The following TNS3 variants were observed in gnomAD, a reference collection of about 807,000 sequenced individuals.
TNS3 encodes tensin-3.
TNS3 carries 45 observed loss-of-function variants against 140.9 expected under a neutral mutation model. That is an observed-to-expected ratio of 0.32 (90% CI 0.25 to 0.41). The LOEUF (loss-of-function observed/expected upper bound fraction) is 0.41, where lower values mean the gene tolerates loss of function less well. TNS3 is among the 10% of genes least tolerant of loss of function. The pLI, the probability that TNS3 is intolerant of heterozygous loss-of-function variation, is 1.00. For missense variants in TNS3, 1,716 were observed against 1,906.7 expected, an observed-to-expected ratio of 0.90 and a Z score of 1.86; for synonymous variants, 815 against 788.4, an observed-to-expected ratio of 1.03 and a Z score of -0.56.
chr7:47,540,456 C>T (rs1028897047), intron 1 of TNS3, among the ~76,000 whole-genome samples: 2 of 152,200 alleles, frequency 1.3e-5, no homozygotes, highest in African/African-American at 2.4e-5. Flanking sequence ...TGGGGGAGAG[C>T]TGAGGGGCCA....
chr7:47,296,790 G>C (rs982295847), intron 24 of TNS3, among the ~76,000 whole-genome samples: 1 of 152,122 alleles, frequency 6.6e-6, no homozygotes, highest in East Asian at 1.9e-4. Flanking sequence ...GGTGAGGGGG[G>C]TAGAGCCGAA....
chr7:47,358,589 G>T (rs1270006806), intron 17 of TNS3, among the ~76,000 whole-genome samples: 2 of 152,212 alleles, frequency 1.3e-5, no homozygotes, highest in Non-Finnish European at 2.9e-5. Flanking sequence ...CGACGCAGCC[G>T]GTGACTTCTG....
intron 4 of TNS3, among the ~76,000 whole-genome samples, chr7:47,473,907 C>G (rs1213278220): frequency 6.6e-6 from 1 of 152,148 alleles, no homozygotes; most frequent in Non-Finnish European, 1.5e-5. Context: ...TCCTCATCAT[C>G]CATTTGGTCA....
chr7:47,534,919 G>A (rs1040057832), intron 1 of TNS3, among the ~76,000 whole-genome samples: 1 of 152,152 alleles, frequency 6.6e-6, no homozygotes, highest in South Asian at 2.1e-4. Flanking sequence ...GCCAATGGAT[G>A]AGGCATATGA....
chr7:47,435,414 G>A lies in TNS3; in HGVS notation c.202-10C>T. On this transcript the variant is annotated splice_polypyrimidine_tract_variant and intron_variant, in intron 7 of 30. Transcript: ENST00000311160. ...AGCCCACATCCATGATCTGCAACAA[G>A]AAAGGGGAGCTTCCTCGGTTTCCAT... is the stretch of plus-strand genomic sequence containing the variant. 1.2e-6 allele frequency: 2 copies of A among 1,612,964 alleles called. No homozygotes were observed. The highest frequency in any genetic ancestry group is 1.7e-6 in the Non-Finnish European group (2 of 1,179,930).
At chr7:47,571,804 TTAAG>T (rs1259516052) in intron 1 of TNS3, among the ~76,000 whole-genome samples, 2 of 152,336 alleles carry the variant, frequency 1.3e-5, no homozygotes, top group Middle Eastern at 6.8e-3. Context: ...AAGGTCGGCA[TTAAG>T]CGGCCCAGTG....
chr7:47,475,862 A>G (rs1030234814), intron 4 of TNS3, among the ~76,000 whole-genome samples: 1 of 152,136 alleles, frequency 6.6e-6, no homozygotes, highest in Non-Finnish European at 1.5e-5. Flanking sequence ...CCTTGTTCTG[A>G]CCGTGGTGCC....
intron 3 of TNS3, chr7:47,481,685 G>A: frequency 1.0e-6 from 1 of 985,426 alleles, no homozygotes; most frequent in South Asian, 4.7e-5. Flanking sequence ...GAGACGGGGA[G>A]AGGAGACTTT....
Position 47,368,871 on chromosome 7 carries a change from T to C in TNS3, c.1775A>G (p.Gln592Arg), listed in dbSNP as rs368164457. 4 of 1,613,636 alleles carry C rather than the reference T, an allele frequency of 2.5e-6. No homozygotes were observed. The African/African-American group carries it at 5.3e-5, about 22-fold the overall frequency. The change falls in exon 17 of 31, where the codon CAG becomes CGG. Residue 592 changes from glutamine (Q) to arginine (R), a missense_variant. Gln to Arg is a conservative substitution (Grantham distance 43). Transcript: ENST00000311160. ...CTGGTGAGCTACAACCATCTGCTGCTGGCGCACCCAGGTCTGTGTGGAGTA... is the reference window on the plus strand; with the variant it reads ...CTGGTGAGCTACAACCATCTGCTGCCGGCGCACCCAGGTCTGTGTGGAGTA... ...SSYSTQTWVR[Q>R]QQMVVAHQYS...
chr7:47,287,331 T>C (rs1041852054), intron 27 of TNS3, among the ~76,000 whole-genome samples: 1 of 152,192 alleles, frequency 6.6e-6, no homozygotes. Flanking sequence ...AAAAAAGGGA[T>C]TAAACTGGAG....
chr7:47,550,533 C>A (rs1800033797), intron 1 of TNS3, among the ~76,000 whole-genome samples: 1 of 152,172 alleles, frequency 6.6e-6, no homozygotes, highest in Admixed American at 6.5e-5. Context: ...GAGATAGAAG[C>A]ACAAAGACAC....
At chr7:47,345,089 C>G in intron 18 of TNS3, 51 bp from the exon 19 acceptor site, 1 of 1,448,046 alleles carries the variant, frequency 6.9e-7, no homozygotes, top group Non-Finnish European at 9.6e-7. Flanking sequence ...CAAGTGAAGG[C>G]CCCTCCAAAC....
At chr7:47,456,785 A>G (rs1796264610) in intron 4 of TNS3, among the ~76,000 whole-genome samples, 1 of 152,018 alleles carries the variant, frequency 6.6e-6, no homozygotes, top group African/African-American at 2.4e-5. Flanking sequence ...TGCTCACCTC[A>G]GCCAACCCCC....
At chr7:47,564,463 C>A (rs1800382403) in intron 1 of TNS3, among the ~76,000 whole-genome samples, 1 of 151,404 alleles carries the variant, frequency 6.6e-6, no homozygotes, top group Admixed American at 6.6e-5. Flanking sequence ...TGGTGAAATC[C>A]CATCTCTACT....
intron 1 of TNS3, among the ~76,000 whole-genome samples, chr7:47,557,910 G>A (rs1471967619): frequency 6.6e-6 from 1 of 152,228 alleles, no homozygotes; most frequent in African/African-American, 2.4e-5. Flanking sequence ...TCTCCAAACT[G>A]GAAGGATGGC....
chr7:47,372,256 A>C (rs1327563125), intron 16 of TNS3, among the ~76,000 whole-genome samples: 1 of 152,226 alleles, frequency 6.6e-6, no homozygotes, highest in African/African-American at 2.4e-5. Flanking sequence ...CTCAGCCCAG[A>C]GCATGAGCCT....
chr7:47,355,817 G>C (rs1352645523), intron 17 of TNS3, among the ~76,000 whole-genome samples: 1 of 152,122 alleles, frequency 6.6e-6, no homozygotes, highest in African/African-American at 2.4e-5. Context: ...ACTGATCTTT[G>C]CCAGCGCACG....
chr7:47,344,797 G>T lies in TNS3; in HGVS notation c.2608C>A (p.Pro870Thr), dbSNP rs201802191. 5.8e-5 allele frequency: 94 copies of T among 1,613,296 alleles called. No individual in the cohort carries two copies. The highest frequency in any genetic ancestry group is 1.8e-4 in the Middle Eastern group (1 of 5,590). Residue 870 changes from proline (P) to threonine (T), a missense_variant, in exon 20 of 31, where the codon CCC (proline) becomes ACC (threonine). Physicochemically the swap from Pro to Thr is conservative, Grantham distance 38. Around this residue, in one of 3 missense-constraint regions of TNS3, gnomAD observed 1,163 missense variants for 1,182.1 expected, o/e 0.98. Coordinates refer to ENST00000311160, the MANE Select transcript of TNS3 (RefSeq NM_022748.12). ...LRHPPFSPPE[P>T]PLSSPASQHK... ...TGACTGGCTGGGCTGCTCAGCGGGGGCTCAGGTGGGCTGAACGGAGGATGG... is the reference window on the plus strand; with the variant it reads ...TGACTGGCTGGGCTGCTCAGCGGGGTCTCAGGTGGGCTGAACGGAGGATGG...
Position 47,341,408 on chromosome 7 carries a change from T to C in TNS3, c.2650+3347A>G, listed in dbSNP as rs1789011332. ...TTATAAATTACTAGGTCAATTTCCT[T>C]ATAGTTACAGGGTATTCAAGTAGTC... is the stretch of plus-strand genomic sequence containing the variant. On this transcript the variant is annotated intron_variant, in intron 20 of 30. Transcript: ENST00000311160. 2.0e-5 allele frequency among the ~76,000 whole-genome samples: 3 copies of C among 152,344 alleles called. No homozygotes were observed. In the South Asian group the frequency reaches 6.2e-4, roughly 32 times the overall value.
Sources: allele counts gnomAD v4.1 joint callset (sites outside exome capture counted in the v4.1 genomes callset), GRCh38; gene constraint gnomAD v4.1.1; regional missense constraint gnomAD v4.1.1; transcripts MANE v1.5; gene names NCBI Gene and HGNC (gene_info 2026-07-23, HGNC 2026-07-21).